The following LRP1B variants were observed in gnomAD, a reference collection of about 807,000 sequenced individuals.
LRP1B encodes LDL receptor related protein 1B, also known as low-density lipoprotein receptor-related protein 1B.
In LRP1B, 217 loss-of-function variants were observed where a neutral mutation model predicts 556.6. The observed-to-expected ratio is 0.39, with a 90% CI of 0.35 to 0.44. The LOEUF (loss-of-function observed/expected upper bound fraction) is 0.44. Among genes scored for constraint, LRP1B ranks in the 20% least tolerant of loss-of-function variants. LRP1B has a pLI of 1.00. For missense variants in LRP1B, 5,053 were observed against 5,620.8 expected (o/e 0.90, Z 3.23); for synonymous variants, 2,047 against 1,865.8 (o/e 1.10, Z -2.50).
intron 86 of LRP1B, among the ~76,000 whole-genome samples, chr2:140,259,556 T>C (rs1487729942): frequency 6.6e-6 from 1 of 152,076 alleles, no homozygotes; most frequent in Non-Finnish European, 1.5e-5. Flanking sequence ...TGTGCTGTTA[T>C]AATTATGATA....
intron 29 of LRP1B, 82 bp downstream of exon 29, chr2:140,850,020 G>A (rs749427072): frequency 1.1e-6 from 1 of 894,010 alleles, no homozygotes; most frequent in Non-Finnish European, 1.7e-6. Flanking sequence ...TTGAATAAAA[G>A]AGAAAGAATA....
At chr2:141,087,715 T>C (rs997719839) in intron 7 of LRP1B, among the ~76,000 whole-genome samples, 1 of 152,166 alleles carries the variant, frequency 6.6e-6, no homozygotes, top group Admixed American at 6.5e-5. Flanking sequence ...CTTTACAGCA[T>C]GATGCTCGAG....
intron 2 of LRP1B, among the ~76,000 whole-genome samples, chr2:141,631,542 A>T (rs1074187): frequency 6.8e-6 from 1 of 146,908 alleles, no homozygotes; most frequent in Admixed American, 6.7e-5. Context: ...GTTTTCCAAA[A>T]AAAAAAAAAA....
At chr2:141,311,651 G>A (rs1230336374) in intron 3 of LRP1B, among the ~76,000 whole-genome samples, 1 of 152,154 alleles carries the variant, frequency 6.6e-6, no homozygotes, top group Non-Finnish European at 1.5e-5. Flanking sequence ...TTTGTAAGAA[G>A]AGGAAGAGAG....
chr2:140,343,287 A>G (rs1165497163), intron 77 of LRP1B, among the ~76,000 whole-genome samples: 2 of 151,712 alleles, frequency 1.3e-5, no homozygotes, highest in East Asian at 3.9e-4. Context: ...ATTCAAATTC[A>G]TATATTGCTG....
chr2:140,284,301 T>TG (rs1683034397), intron 84 of LRP1B, among the ~76,000 whole-genome samples: 2 of 99,484 alleles, frequency 2.0e-5, no homozygotes, highest in African/African-American at 7.6e-5. Context: ...CTTCCCCCCC[T>TG]CCCCCCCAAA....
At chr2:140,528,306 T>C (rs889471650) in intron 47 of LRP1B, among the ~76,000 whole-genome samples, 1 of 151,896 alleles carries the variant, frequency 6.6e-6, no homozygotes, top group African/African-American at 2.4e-5. Context: ...CAGTCTTAGA[T>C]TGAGTTCTGG....
chr2:140,990,075 C>T (rs534083453), intron 16 of LRP1B, among the ~76,000 whole-genome samples: 3 of 151,942 alleles, frequency 2.0e-5, no homozygotes, highest in Admixed American at 6.6e-5. Context: ...GGCATGGTGG[C>T]GCATGCCTGT....
In LRP1B at chr2:141,981,128, ATGAG is replaced by A. The variant is rs2105094893; in HGVS notation, c.82+149516_82+149519del. 1.3e-5 allele frequency among the ~76,000 whole-genome samples: 2 copies of A among 152,208 alleles called. 1 individual carries two copies. The highest frequency in any genetic ancestry group is 4.2e-4 in the South Asian group (2 of 4,816). On this transcript the variant is annotated intron_variant, in intron 1 of 90. Transcript: ENST00000389484. ...GGGGCTTAGTTTCCTCATTTGTAAAATGAGTGATGAGAAGAGACCATCTACTGCC... is the reference window on the plus strand; with the variant it reads ...GGGGCTTAGTTTCCTCATTTGTAAAATGATGAGAAGAGACCATCTACTGCC...
chr2:140,886,022 G>A, intron 24 of LRP1B, 116 bp downstream of exon 24: 3 of 617,198 alleles, frequency 4.9e-6, no homozygotes, highest in Non-Finnish European at 8.3e-6. Context: ...TATGAGGGAG[G>A]GGATAAAGGA....
chr2:140,646,743 AAAATG>A (rs967085567), intron 41 of LRP1B, among the ~76,000 whole-genome samples: 5 of 152,160 alleles, frequency 3.3e-5, no homozygotes, highest in African/African-American at 1.2e-4. Flanking sequence ...TTTTTAAAAC[AAAATG>A]AAAGTTTTCA....
chr2:141,284,792 T>C (rs1264317774), intron 3 of LRP1B, among the ~76,000 whole-genome samples: 2 of 152,236 alleles, frequency 1.3e-5, no homozygotes, highest in African/African-American at 2.4e-5. Flanking sequence ...TGTTTATTTC[T>C]AGTCTTGCTG....
At chr2:141,490,642 C>T (rs887105148) in intron 2 of LRP1B, among the ~76,000 whole-genome samples, 1 of 151,974 alleles carries the variant, frequency 6.6e-6, no homozygotes, top group African/African-American at 2.4e-5. Context: ...TGCTTTCTGA[C>T]CTTTCATTAC....
intron 2 of LRP1B, among the ~76,000 whole-genome samples, chr2:141,741,926 A>G (rs1328002908): frequency 3.9e-5 from 6 of 152,116 alleles, no homozygotes; most frequent in Non-Finnish European, 1.5e-5. Flanking sequence ...ATGGTTTGAG[A>G]TCTTAGATTT....
intron 87 of LRP1B, among the ~76,000 whole-genome samples, chr2:140,242,222 A>G (rs1680977721): frequency 6.6e-6 from 1 of 151,126 alleles, no homozygotes; most frequent in Non-Finnish European, 1.5e-5. Flanking sequence ...ATCATCATTA[A>G]TAGTTATCAT....
At chr2:141,019,233 T>G (rs1697997235) in intron 12 of LRP1B, among the ~76,000 whole-genome samples, 1 of 152,030 alleles carries the variant, frequency 6.6e-6, no homozygotes, top group South Asian at 2.1e-4. Context: ...CTAAAACAAG[T>G]AATACATACT....
At chr2:140,375,624 T>G (rs1683191905) in intron 68 of LRP1B, among the ~76,000 whole-genome samples, 1 of 152,140 alleles carries the variant, frequency 6.6e-6, no homozygotes, top group Non-Finnish European at 1.5e-5. Flanking sequence ...GAAATTTTGA[T>G]TCTAATGACA....
chr2:140,538,888 C>A lies in LRP1B; in HGVS notation c.7513+2085G>T, dbSNP rs530017294. On this transcript the variant is annotated intron_variant, in intron 45 of 90. Coordinates refer to ENST00000389484, the MANE Select transcript of LRP1B (RefSeq NM_018557.3). ...AATCTTAGTGCCTTTGGGGAAAAGA[C>A]AAAAACTATTCAAAGATAAATATGT... Among the ~76,000 whole-genome samples the A allele has an allele frequency of 2.4e-4, 36 of 150,178 alleles. 1 individual carries two copies. The South Asian group carries it at 7.8e-3, about 32-fold the overall frequency.
chr2:141,097,705 T>C (rs1377557693), intron 7 of LRP1B, among the ~76,000 whole-genome samples: 1 of 152,174 alleles, frequency 6.6e-6, no homozygotes, highest in East Asian at 1.9e-4. Context: ...GAAATGTCAA[T>C]TTTCTTGAAA....
Sources: allele counts gnomAD v4.1 joint callset (sites outside exome capture counted in the v4.1 genomes callset), GRCh38; gene constraint gnomAD v4.1.1; transcripts MANE v1.5; gene names NCBI Gene and HGNC (gene_info 2026-07-23, HGNC 2026-07-21).